CYRIA: variants seen among roughly 807,000 people sequenced by gnomAD.
CYRIA encodes the protein CYFIP related Rac1 interactor A, also known as CYFIP-related Rac1 interactor A.
A neutral mutation model predicts 43.9 loss-of-function variants in CYRIA; 15 were observed. The observed-to-expected ratio is 0.34, with a 90% CI of 0.23 to 0.53. The LOEUF (loss-of-function observed/expected upper bound fraction) is 0.53. Among genes scored for constraint, CYRIA ranks in the 20% least tolerant of loss-of-function variants. The pLI, the probability that CYRIA is intolerant of heterozygous loss-of-function variation, is 0.94. For missense variants in CYRIA, 236 were observed against 394.2 expected (o/e 0.60, Z 3.40); for synonymous variants, 117 against 136.0 (o/e 0.86, Z 0.97).
intron 1 of CYRIA, among the ~76,000 whole-genome samples, chr2:16,646,132 C>T (rs926839775): frequency 3.3e-5 from 5 of 152,176 alleles, no homozygotes; most frequent in African/African-American, 9.7e-5. Flanking sequence ...AGTATTCCCA[C>T]CTATAAGATG....
At chr2:16,621,415 C>T (rs1361654282) in intron 2 of CYRIA, among the ~76,000 whole-genome samples, 1 of 152,168 alleles carries the variant, frequency 6.6e-6, no homozygotes, top group African/African-American at 2.4e-5. Context: ...GGGGCCCAGA[C>T]TCATTAATCT....
At chr2:16,562,885 GA>G (rs1267764682) in intron 5 of CYRIA, among the ~76,000 whole-genome samples, 1 of 152,134 alleles carries the variant, frequency 6.6e-6, no homozygotes, top group Non-Finnish European at 1.5e-5. Context: ...CTTTACATGA[GA>G]GTGGCAGAGG....
chr2:16,586,996 T>A (rs1667750523), intron 3 of CYRIA, among the ~76,000 whole-genome samples: 1 of 152,134 alleles, frequency 6.6e-6, no homozygotes, highest in Admixed American at 6.6e-5. Context: ...CATTTGTCAA[T>A]ATATTCAATC....
intron 3 of CYRIA, among the ~76,000 whole-genome samples, chr2:16,578,813 CAGAAGA>C (rs199869319): frequency 6.6e-6 from 1 of 151,346 alleles, no homozygotes; most frequent in Non-Finnish European, 1.5e-5. Context: ...ATTGGTGTCC[CAGAAGA>C]AGAAGAAGAA....
At chr2:16,570,143 C>T (rs532054643) in intron 3 of CYRIA, among the ~76,000 whole-genome samples, 60 of 152,134 alleles carry the variant, frequency 3.9e-4, no homozygotes, top group African/African-American at 1.4e-3. Flanking sequence ...TCCTCTGTCT[C>T]TACTCCCAAA....
intron 1 of CYRIA, among the ~76,000 whole-genome samples, chr2:16,625,152 G>T (rs1423002863): frequency 6.6e-6 from 1 of 152,120 alleles, no homozygotes; most frequent in Non-Finnish European, 1.5e-5. Flanking sequence ...TTCTGATGGG[G>T]GTGGGGGATG....
At chr2:16,630,457 C>T (rs1330460998) in intron 1 of CYRIA, among the ~76,000 whole-genome samples, 1 of 152,058 alleles carries the variant, frequency 6.6e-6, no homozygotes, top group African/African-American at 2.4e-5. Context: ...ACATTAGTCC[C>T]ATTTCCCAAG....
intron 2 of CYRIA, among the ~76,000 whole-genome samples, chr2:16,593,688 G>GTT (rs1668006667): frequency 8.5e-6 from 1 of 117,030 alleles, no homozygotes; most frequent in Non-Finnish European, 1.8e-5. Flanking sequence ...TTATTTTTTT[G>GTT]TGTGTGTGTG....
chr2:16,588,012 G>T, intron 3 of CYRIA, 38 bp downstream of exon 3: 3 of 1,305,810 alleles, frequency 2.3e-6, no homozygotes, highest in Non-Finnish European at 3.3e-6. Context: ...TATAAGGAAT[G>T]TAAAAAAGTT....
chr2:16,625,176 G>T (rs912681133), intron 1 of CYRIA, among the ~76,000 whole-genome samples: 2 of 152,090 alleles, frequency 1.3e-5, no homozygotes, highest in Admixed American at 6.6e-5. Context: ...GTGGGCTTGT[G>T]GGGGAAGTAG....
intron 3 of CYRIA, among the ~76,000 whole-genome samples, chr2:16,581,146 A>G (rs1320268045): frequency 6.6e-6 from 1 of 152,212 alleles, no homozygotes; most frequent in Admixed American, 6.5e-5. Context: ...AAAGATATCA[A>G]TAAGAAAATA....
rs762117648 is a variant in CYRIA at position 16,551,539 on chromosome 2, C to T, written c.*1397G>A. On this transcript the variant is annotated 3_prime_UTR_variant, in exon 12 of 12. Coordinates refer to ENST00000381323, the MANE Select transcript of CYRIA (RefSeq NM_030797.4). ...ACATGGGAGCCATCCTGTATGACCACATCCTCTGGGTTTCATTTTTCCTTA... is the reference window on the plus strand; with the variant it reads ...ACATGGGAGCCATCCTGTATGACCATATCCTCTGGGTTTCATTTTTCCTTA... 5 of 152,162 alleles carry T rather than the reference C, an allele frequency of 3.3e-5. No individual in the cohort carries two copies. The highest frequency in any genetic ancestry group is 5.9e-5 in the Non-Finnish European group (4 of 68,038). The allele number at this position is 152,162 out of a possible 1,614,324, so 9.4% of individuals were successfully genotyped here. A position where few individuals can be genotyped will look rare whatever the true frequency, so the allele number is the denominator to read the frequency against.
chr2:16,610,690 G>A (rs1016584735), intron 2 of CYRIA, among the ~76,000 whole-genome samples: 2 of 151,936 alleles, frequency 1.3e-5, no homozygotes, highest in Admixed American at 1.3e-4. Flanking sequence ...TGGAACACAT[G>A]ATAAACTTCT....
At chr2:16,654,508 T>A (rs1360222270) in intron 1 of CYRIA, among the ~76,000 whole-genome samples, 1 of 152,022 alleles carries the variant, frequency 6.6e-6, no homozygotes, top group Non-Finnish European at 1.5e-5. Flanking sequence ...TAAAAAAAAA[T>A]AAAATTGTGG....
In CYRIA at chr2:16,647,365, C is replaced by T. The variant is rs550999364; in HGVS notation, c.-167+18415G>A. On this transcript the variant is annotated intron_variant, in intron 1 of 11. Coordinates refer to ENST00000381323, the MANE Select transcript of CYRIA (RefSeq NM_030797.4). ...AAATTTGAAGCAGGTCTGGAGTATG[C>T]TCTGAAATCCAAAAGACCTTGTCTA... is the stretch of plus-strand genomic sequence containing the variant. Among the ~76,000 whole-genome samples, 10 of 152,238 alleles carry T rather than the reference C, an allele frequency of 6.6e-5. No individual in the cohort carries two copies. In the South Asian group the frequency reaches 2.1e-3, roughly 32 times the overall value.
At chr2:16,622,334 G>C (rs1669022961) in intron 2 of CYRIA, among the ~76,000 whole-genome samples, 2 of 152,190 alleles carry the variant, frequency 1.3e-5, no homozygotes, top group Admixed American at 6.5e-5. Flanking sequence ...TAAAGTCCGG[G>C]TGAGAAAAGG....
chr2:16,623,373 G>A (rs552003013), intron 2 of CYRIA, among the ~76,000 whole-genome samples: 4 of 152,316 alleles, frequency 2.6e-5, no homozygotes, highest in South Asian at 4.1e-4. Flanking sequence ...TCAGGAAAGC[G>A]GGTGATGAGA....
Position 16,664,747 on chromosome 2 carries a change from A to G in CYRIA, c.-167+1033T>C, listed in dbSNP as rs575807270. ...GAGGAGATAGTGACTGGTGACAGAGAGGAAAGTTTCTAACAGGGAGAAAAG... is the reference window on the plus strand; with the variant it reads ...GAGGAGATAGTGACTGGTGACAGAGGGGAAAGTTTCTAACAGGGAGAAAAG... On this transcript the variant is annotated intron_variant, in intron 1 of 11. Transcript: ENST00000381323. Among the ~76,000 whole-genome samples the G allele has an allele frequency of 4.3e-4, 65 of 152,270 alleles. 1 individual carries two copies. The highest frequency in any genetic ancestry group is 1.5e-3 in the African/African-American group (62 of 41,538).
chr2:16,663,096 G>A (rs1465031915), intron 1 of CYRIA, among the ~76,000 whole-genome samples: 1 of 152,226 alleles, frequency 6.6e-6, no homozygotes, highest in Non-Finnish European at 1.5e-5. Flanking sequence ...GCCTAAATTA[G>A]TTTTCAATCT....
Sources: gnomAD v4.1 joint callset for allele counts (sites outside exome capture counted in the v4.1 genomes callset) on GRCh38, gnomAD v4.1.1 for gene constraint, MANE v1.5 for transcripts, NCBI Gene and HGNC (gene_info 2026-07-23, HGNC 2026-07-21) for gene names.